The following SLC28A3 variants were observed in gnomAD, a reference collection of about 807,000 sequenced individuals.
SLC28A3 encodes solute carrier family 28 member 3.
A neutral mutation model predicts 84.2 loss-of-function variants in SLC28A3; 68 were observed. That is an observed-to-expected ratio of 0.81 (90% CI 0.66 to 0.99). The LOEUF is 0.99. Among genes scored for constraint, SLC28A3 ranks in the 50% least tolerant of loss-of-function variants. The pLI is 0.00. For missense variants in SLC28A3, 712 were observed against 841.5 expected (o/e 0.85, Z 1.90); for synonymous variants, 267 against 303.6 (o/e 0.88, Z 1.25).
At chr9:84,300,909 C>T (rs905447235) in intron 5 of SLC28A3, among the ~76,000 whole-genome samples, 1 of 152,140 alleles carries the variant, frequency 6.6e-6, no homozygotes, top group Non-Finnish European at 1.5e-5. Flanking sequence ...GGGAGGAAAA[C>T]TAGGGCACTG....
chr9:84,309,495 C>A, intron 3 of SLC28A3, 134 bp downstream of exon 3: 4 of 649,216 alleles, frequency 6.2e-6, no homozygotes, highest in Non-Finnish European at 1.0e-5. Flanking sequence ...TGCACTCCAG[C>A]CTGGGTGACA....
At chr9:84,361,862 T>C in the SLC28A3 span, among the ~76,000 whole-genome samples, 1 of 151,968 alleles carries the variant, frequency 6.6e-6, no homozygotes, top group Non-Finnish European at 1.5e-5. Flanking sequence ...CAGTGAGCAA[T>C]TGCGCCATGG....
intron 2 of SLC28A3, among the ~76,000 whole-genome samples, chr9:84,312,447 A>G (rs1826020765): frequency 6.6e-6 from 1 of 152,022 alleles, no homozygotes; most frequent in Admixed American, 6.6e-5. Context: ...TTTTGCTACA[A>G]TAAGTTTTCC....
At position 84,297,948 on chromosome 9, in the gene SLC28A3, G is replaced by T; in HGVS notation, c.741C>A (p.Asp247Glu). ...ACCAATCAAAAGCTATAAATCCAGG[G>T]TCAGTCCTTAGAATCAAGAGCCCAA... The part of the protein sequence containing the change: ...FLLGLLILRT[D>E]PGFIAFDWLG... Residue 247 changes from aspartate to glutamate, a missense_variant, in exon 7 of 18, where the codon GAC becomes GAA. Asp to Glu is a conservative substitution (Grantham distance 45). Transcript: ENST00000376238. 2 of 1,611,730 alleles carry T rather than the reference G, an allele frequency of 1.2e-6. No individual in the cohort carries two copies. The highest frequency in any genetic ancestry group is 1.7e-6 in the Non-Finnish European group (2 of 1,179,570).
the SLC28A3 span, among the ~76,000 whole-genome samples, chr9:84,347,568 C>T: frequency 8.6e-5 from 13 of 151,986 alleles, no homozygotes; most frequent in Non-Finnish European, 1.0e-4. Flanking sequence ...AAAGTATATG[C>T]AAAAAAGGCT....
intron 2 of SLC28A3, among the ~76,000 whole-genome samples, chr9:84,311,769 T>C (rs1053881363): frequency 7.2e-5 from 11 of 152,068 alleles, no homozygotes; most frequent in Admixed American, 5.2e-4. Context: ...GGCAGGAGAA[T>C]CACCTGAACC....
At chr9:84,336,675 CA>C (rs112154531) in intron 1 of SLC28A3, among the ~76,000 whole-genome samples, 10 of 149,920 alleles carry the variant, frequency 6.7e-5, no homozygotes, top group Admixed American at 2.7e-4. Flanking sequence ...GACCCTGTCT[CA>C]AAAAAAAAAT....
At chr9:84,323,873 C>T (rs1826463114) in intron 1 of SLC28A3, among the ~76,000 whole-genome samples, 1 of 152,068 alleles carries the variant, frequency 6.6e-6, no homozygotes, top group Non-Finnish European at 1.5e-5. Context: ...CCCATGTCCT[C>T]CTTAATGAGA....
chr9:84,340,613 T>G lies in SLC28A3; in HGVS notation c.21A>C (p.Ala7=). ...TGCTGTAGCCCTCAGCTCTGGGGGC[T>G]GCTGTACTCCTCAGCTCCATGCTCT... The part of the protein sequence containing the change: MELRST[A]APRAEGYSNV... The change falls in exon 1 of 18, where the codon GCA becomes GCC. Residue 7 remains alanine, a synonymous_variant. Coordinates refer to ENST00000376238, the MANE Select transcript of SLC28A3 (RefSeq NM_001199633.2). The G allele has an allele frequency of 1.2e-6, 2 of 1,614,198 alleles. No homozygotes were observed. Among genetic ancestry groups the G allele is most frequent in the Non-Finnish European group, 1.7e-6 (2 of 1,180,016 alleles).
At chr9:84,298,069 C>A in intron 6 of SLC28A3, 50 bp from the exon 7 acceptor site, 1 of 1,460,888 alleles carries the variant, frequency 6.8e-7, no homozygotes, top group Non-Finnish European at 9.5e-7. Flanking sequence ...TTAATGCAGG[C>A]CGTGGCATGA....
chr9:84,338,362 A>C (rs1253697641), intron 1 of SLC28A3, among the ~76,000 whole-genome samples: 1 of 152,266 alleles, frequency 6.6e-6, no homozygotes, highest in African/African-American at 2.4e-5. Context: ...GCTGAATGTC[A>C]AACAAGGTAA....
upstream of SLC28A3, among the ~76,000 whole-genome samples, chr9:84,341,390 C>T (rs541056611): frequency 4.6e-5 from 7 of 152,046 alleles, no homozygotes; most frequent in Admixed American, 6.6e-5. Flanking sequence ...AAGGTCATGC[C>T]GCCCTCAGTG....
At chr9:84,303,115 A>G (rs1455425391) in intron 4 of SLC28A3, among the ~76,000 whole-genome samples, 1 of 152,144 alleles carries the variant, frequency 6.6e-6, no homozygotes, top group African/African-American at 2.4e-5. Flanking sequence ...GGATCCCAGA[A>G]AAACCTTAAA....
At chr9:84,300,968 T>C (rs1307658451) in intron 5 of SLC28A3, among the ~76,000 whole-genome samples, 2 of 152,110 alleles carry the variant, frequency 1.3e-5, no homozygotes, top group Non-Finnish European at 2.9e-5. Flanking sequence ...TATTCTGATG[T>C]TAAAAAATAT....
intron 3 of SLC28A3, among the ~76,000 whole-genome samples, chr9:84,305,787 A>G (rs1825770245): frequency 6.6e-6 from 1 of 152,178 alleles, no homozygotes; most frequent in South Asian, 2.1e-4. Context: ...AGTTTGAGCA[A>G]GTTGGTGGTG....
the SLC28A3 span, among the ~76,000 whole-genome samples, chr9:84,349,537 T>C: frequency 6.6e-6 from 1 of 152,192 alleles, no homozygotes; most frequent in African/African-American, 2.4e-5. Flanking sequence ...ACGTCCGGCT[T>C]ACTTGTTTTT....
intron 2 of SLC28A3, 81 bp from the exon 3 acceptor site, chr9:84,309,795 G>T: frequency 1.7e-6 from 2 of 1,208,432 alleles, no homozygotes; most frequent in South Asian, 1.3e-5. Context: ...CTCAGAACTC[G>T]GGCAAAGAAC....
the SLC28A3 span, among the ~76,000 whole-genome samples, chr9:84,362,888 CTT>C: frequency 2.0e-5 from 3 of 151,864 alleles, no homozygotes; most frequent in Middle Eastern, 3.2e-3. Flanking sequence ...TATAATAACT[CTT>C]GTATTAATAC....
upstream of SLC28A3, chr9:84,340,784 A>G: frequency 1.6e-6 from 1 of 642,708 alleles, no homozygotes; most frequent in South Asian, 1.8e-5. Context: ...AATCTCCTGA[A>G]TGACTAGGGC....
Sources: gnomAD v4.1 joint callset for allele counts (sites outside exome capture counted in the v4.1 genomes callset) on GRCh38, gnomAD v4.1.1 for gene constraint, MANE v1.5 for transcripts, NCBI Gene and HGNC (gene_info 2026-07-23, HGNC 2026-07-21) for gene names.